The following FAM193A variants were observed in gnomAD, a reference collection of about 807,000 sequenced individuals.
FAM193A encodes family with sequence similarity 193 member A, also known as protein FAM193A.
A neutral mutation model predicts 126.5 loss-of-function variants in FAM193A; 22 were observed. That is an observed-to-expected ratio of 0.17 (90% confidence interval 0.12 to 0.25). FAM193A has a LOEUF of 0.25. Ranked by LOEUF, FAM193A falls within the 10% of genes least tolerant of loss-of-function variation. FAM193A has a pLI of 1.00. For missense variants in FAM193A, 1,675 were observed against 1,672.8 expected, an observed-to-expected ratio of 1.00 and a Z score of -0.02; for synonymous variants, 761 against 646.8, an observed-to-expected ratio of 1.18 and a Z score of -2.68.
At chr4:2,667,366 T>C (rs892427900) in intron 12 of FAM193A, among the ~76,000 whole-genome samples, 1 of 152,220 alleles carries the variant, frequency 6.6e-6, no homozygotes, top group African/African-American at 2.4e-5. Flanking sequence ...TCATAGTATA[T>C]ATTCTTACTG....
chr4:2,548,271 A>T (rs922152991), intron 1 of FAM193A, among the ~76,000 whole-genome samples: 1 of 151,442 alleles, frequency 6.6e-6, no homozygotes. Context: ...GGGCTTCACC[A>T]TGTTGGCCAG....
At chr4:2,679,378 T>TC (rs57578410) in intron 13 of FAM193A, among the ~76,000 whole-genome samples, 164 of 123,632 alleles carry the variant, frequency 1.3e-3, no homozygotes, top group African/African-American at 6.0e-3. Context: ...TTTCTTTCTT[T>TC]TTTTTTTTTT....
intron 1 of FAM193A, among the ~76,000 whole-genome samples, chr4:2,546,028 A>T (rs976198956): frequency 6.6e-6 from 1 of 152,050 alleles, no homozygotes; most frequent in Non-Finnish European, 1.5e-5. Context: ...GGCGCCTGTA[A>T]TCATAGCTAC....
intron 5 of FAM193A, 137 bp from the exon 6 acceptor site, chr4:2,639,598 G>A: frequency 7.0e-6 from 4 of 575,132 alleles, no homozygotes; most frequent in Non-Finnish European, 1.2e-5. Context: ...CTCATAAGCT[G>A]AACACTCTGG....
chr4:2,627,967 C>T (rs1387813429), intron 4 of FAM193A, among the ~76,000 whole-genome samples: 1 of 152,104 alleles, frequency 6.6e-6, no homozygotes, highest in Non-Finnish European at 1.5e-5. Context: ...TGGTCTTGAT[C>T]TCCTGACGTT....
chr4:2,659,760 G>A, intron 9 of FAM193A, 52 bp from the exon 10 acceptor site: 1 of 1,613,898 alleles, frequency 6.2e-7, no homozygotes. Context: ...AGAGAGCATG[G>A]TCTAGTCTTG....
intron 6 of FAM193A, among the ~76,000 whole-genome samples, chr4:2,642,176 C>T (rs374267107): frequency 2.0e-5 from 3 of 149,436 alleles, no homozygotes; most frequent in East Asian, 4.0e-4. Context: ...TGGTGGCGGG[C>T]ACCTGAAGTC....
chr4:2,723,688 C>G (rs1720413897), intron 20 of FAM193A, among the ~76,000 whole-genome samples: 1 of 152,152 alleles, frequency 6.6e-6, no homozygotes, highest in African/African-American at 2.4e-5. Flanking sequence ...AAGATCATCA[C>G]AAAAGAAGTT....
At chr4:2,682,832 CAT>C (rs59014789) in intron 13 of FAM193A, among the ~76,000 whole-genome samples, 49,857 of 152,036 alleles carry the variant, frequency 0.33, 9,676 homozygotes, top group Admixed American at 0.52. Context: ...CACTTATCCA[CAT>C]GTTTATCACC....
chr4:2,617,168 CAAAAAAAAAAAAATT>C (rs1315404408), intron 2 of FAM193A, among the ~76,000 whole-genome samples: 3 of 51,956 alleles, frequency 5.8e-5, no homozygotes, highest in African/African-American at 1.7e-4. Flanking sequence ...ACTCCATCTC[CAAAAAAAAAAAAATT>C]AAAAAAAAAA....
At chr4:2,571,116 C>T (rs553252358) in intron 1 of FAM193A, among the ~76,000 whole-genome samples, 2 of 152,188 alleles carry the variant, frequency 1.3e-5, no homozygotes, top group South Asian at 2.1e-4. Flanking sequence ...TGACTCCCTC[C>T]GCGGCCCCAG....
At chr4:2,727,616 T>A (rs1720899935) in intron 20 of FAM193A, among the ~76,000 whole-genome samples, 1 of 152,236 alleles carries the variant, frequency 6.6e-6, no homozygotes, top group South Asian at 2.1e-4. Flanking sequence ...GGATACCCAT[T>A]TGTCATCTTT....
intron 1 of FAM193A, among the ~76,000 whole-genome samples, chr4:2,584,629 G>A (rs113923789): frequency 2.0e-4 from 31 of 152,040 alleles, no homozygotes; most frequent in African/African-American, 6.7e-4. Context: ...TTTTCCTTTC[G>A]TTAAACATAC....
chr4:2,654,331 G>T (rs1745956139), intron 7 of FAM193A: 2 of 149,844 alleles, frequency 1.3e-5, no homozygotes, highest in South Asian at 4.2e-4. Flanking sequence ...TCCCACCTCA[G>T]CCTCCAGAGT....
intron 1 of FAM193A, among the ~76,000 whole-genome samples, chr4:2,585,277 A>G (rs2108886256): frequency 1.3e-5 from 2 of 152,286 alleles, no homozygotes; most frequent in Middle Eastern, 6.8e-3. Context: ...GTCTACATGT[A>G]TTTTCACAGT....
chr4:2,710,644 A>G (rs1200565135), intron 19 of FAM193A, among the ~76,000 whole-genome samples: 52 of 151,998 alleles, frequency 3.4e-4, no homozygotes, highest in Non-Finnish European at 2.9e-5. Context: ...GTGGTACCAC[A>G]GGTGGGCACC....
intron 7 of FAM193A, among the ~76,000 whole-genome samples, chr4:2,651,216 C>T (rs1157099897): frequency 1.3e-5 from 2 of 152,090 alleles, no homozygotes; most frequent in African/African-American, 4.8e-5. Context: ...TGTAATCTCA[C>T]CTACTCAGGA....
At position 2,617,240 on chromosome 4, in the gene FAM193A, T is replaced by TTATA. The variant is rs1553895142; in HGVS notation, c.502-8002_502-7999dup. On this transcript the variant is annotated intron_variant, in intron 2 of 20. Transcript: ENST00000637812. The stretch of plus-strand genomic sequence containing the variant: ...TGTATTGGTCAGAAGTATGTTTTTA[T>TTATA]TATATATATATATATATATATATTT... 6.9e-3 allele frequency among the ~76,000 whole-genome samples: 243 copies of TTATA among 35,254 alleles called. 16 individuals are homozygous for TTATA. The highest frequency in any genetic ancestry group is 9.7e-3 in the South Asian group (10 of 1,028). The allele number at this position is 35,254 out of a possible 152,430, so 23.1% of individuals were successfully genotyped here.
At position 2,663,002 on chromosome 4, in the gene FAM193A, G is replaced by A; in HGVS notation, c.1899+11G>A. 1 of 1,603,950 alleles carries A rather than the reference G, an allele frequency of 6.2e-7. No homozygotes were observed. Among genetic ancestry groups the A allele is most frequent in the Non-Finnish European group, 8.5e-7 (1 of 1,171,564 alleles). On this transcript the variant is annotated intron_variant, in intron 11 of 20. Transcript: ENST00000637812. ...GCCCTGAAGGATGAGGTATGGACATGGCTTCTTCGTAGCAACAATAAATGA... is the reference window on the plus strand; with the variant it reads ...GCCCTGAAGGATGAGGTATGGACATAGCTTCTTCGTAGCAACAATAAATGA...
Sources: gnomAD v4.1 joint callset for allele counts (sites outside exome capture counted in the v4.1 genomes callset) on GRCh38, gnomAD v4.1.1 for gene constraint, MANE v1.5 for transcripts, NCBI Gene and HGNC (gene_info 2026-07-23, HGNC 2026-07-21) for gene names.